Variants in CPSF7 observed in about 807,000 individuals in gnomAD.
CPSF7 encodes cleavage and polyadenylation specificity factor subunit 7.
Under a neutral mutation model 44.3 loss-of-function variants are expected in CPSF7, and 1 was observed. That is an observed-to-expected ratio of 0.02 (90% CI 0.01 to 0.11). The LOEUF is 0.11. Among genes scored for constraint, CPSF7 ranks in the 10% least tolerant of loss-of-function variants. The probability of loss-of-function intolerance (pLI) is 1.00; values close to 1 mark genes in which losing one functional copy is unlikely to be tolerated. For synonymous variants in CPSF7, 202 were observed against 222.0 expected (o/e 0.91, Z 0.80); for missense variants, 443 against 607.2 (o/e 0.73, Z 2.84).
chr11:61,421,550 G>T lies in CPSF7; in HGVS notation c.113C>A (p.Thr38Asn), dbSNP rs1346848628. ...GCTTCTGTCATCTGAGGGCTGTGAG[G>T]TGGCTGTCAGCACATCATCATACAG... Reference protein sequence around the residue: ...IDLYDDVLTATSQPSDDRSSS... With the variant: ...IDLYDDVLTANSQPSDDRSSS... The change falls in exon 3 of 10, where the codon ACC (threonine) becomes AAC (asparagine). Residue 38 changes from threonine to asparagine, a missense_variant. Thr to Asn is a moderately conservative substitution (Grantham distance 65, BLOSUM62 0). Coordinates refer to ENST00000439958, the MANE Select transcript of CPSF7 (RefSeq NM_001142565.3). 2 of 1,613,976 alleles carry T rather than the reference G, an allele frequency of 1.2e-6. No individual in the cohort carries two copies. The highest frequency in any genetic ancestry group is 1.7e-6 in the Non-Finnish European group (2 of 1,180,038).
At chr11:61,424,728 C>T (rs1590733505) in intron 2 of CPSF7, among the ~76,000 whole-genome samples, 1 of 152,352 alleles carries the variant, frequency 6.6e-6, no homozygotes, top group East Asian at 1.9e-4. Flanking sequence ...GCTGGGATTA[C>T]AGGCGTAAGC....
At chr11:61,419,866 A>G (rs1341257123) in intron 5 of CPSF7, 83 bp downstream of exon 5, 1 of 1,547,776 alleles carries the variant, frequency 6.5e-7, no homozygotes, top group Non-Finnish European at 8.8e-7. Flanking sequence ...CTAAGCCTAC[A>G]CCATAGAAAA....
intron 2 of CPSF7, among the ~76,000 whole-genome samples, chr11:61,422,603 A>ATT (rs1860985895): frequency 6.6e-6 from 1 of 152,184 alleles, no homozygotes; most frequent in African/African-American, 2.4e-5. Context: ...AGGGGTGACT[A>ATT]CCATGCCCAG....
chr11:61,414,441 C>T (rs954287046), intron 7 of CPSF7, among the ~76,000 whole-genome samples: 2 of 152,060 alleles, frequency 1.3e-5, no homozygotes, highest in African/African-American at 4.8e-5. Flanking sequence ...AGCCACTGCA[C>T]CTGGCCTAAA....
intron 2 of CPSF7, among the ~76,000 whole-genome samples, chr11:61,428,745 T>C (rs1861640953): frequency 6.6e-6 from 1 of 152,234 alleles, no homozygotes; most frequent in Admixed American, 6.5e-5. Context: ...TAAAGTCATC[T>C]TTTCTACTTT....
At chr11:61,425,001 C>A (rs1475091220) in intron 2 of CPSF7, among the ~76,000 whole-genome samples, 2 of 152,222 alleles carry the variant, frequency 1.3e-5, no homozygotes, top group Admixed American at 1.3e-4. Context: ...TATGCTTAGG[C>A]AACCAATCCA....
intron 6 of CPSF7, 29 bp from the exon 7 acceptor site, chr11:61,415,813 G>T: frequency 7.0e-7 from 1 of 1,427,860 alleles, no homozygotes; most frequent in Non-Finnish European, 9.9e-7. Flanking sequence ...ATCCTTGATT[G>T]CTCACATCCC....
At chr11:61,410,703 C>T in intron 9 of CPSF7, 3 of 370,346 alleles carry the variant, frequency 8.1e-6, no homozygotes, top group Non-Finnish European at 1.4e-5. Flanking sequence ...AGACACCATA[C>T]TCTCACTCAG....
chr11:61,407,965 C>G (rs1345509673), intron 9 of CPSF7, among the ~76,000 whole-genome samples: 2 of 152,088 alleles, frequency 1.3e-5, no homozygotes, highest in Non-Finnish European at 2.9e-5. Flanking sequence ...ATCGCCATCC[C>G]AAAGACACCA....
At chr11:61,420,957 C>A in intron 3 of CPSF7, 2 of 715,584 alleles carry the variant, frequency 2.8e-6, no homozygotes, top group Non-Finnish European at 4.4e-6. Context: ...ACCCCCACCA[C>A]CAGCCCCAAA....
intron 1 of CPSF7, chr11:61,429,630 C>G: frequency 9.2e-7 from 1 of 1,082,020 alleles, no homozygotes; most frequent in East Asian, 2.7e-5. Flanking sequence ...ATCCGCTGCA[C>G]CTGCCTAGCC....
In CPSF7 at chr11:61,416,247, G is replaced by A. The variant is rs2135324748; in HGVS notation, c.796C>T (p.Pro266Ser). Reference sequence around the variant, plus strand: ...CCAGGGGGAGGTACAGCAAGATGAGGAGGTAATCGAGGAGGTGGGGGCATG... The same window carrying A: ...CCAGGGGGAGGTACAGCAAGATGAGAAGGTAATCGAGGAGGTGGGGGCATG... Reference protein sequence around the residue: ...HLMPPPPRLPPHLAVPPPGAI... With the variant: ...HLMPPPPRLPSHLAVPPPGAI... The change falls in exon 6 of 10, where the codon CCT becomes TCT. Residue 266 changes from proline (P) to serine (S), a missense_variant. Transcript: ENST00000439958. 6.5e-7 allele frequency: 1 copy of A among 1,535,218 alleles called. No homozygotes were observed. The highest frequency in any genetic ancestry group is 8.8e-7 in the Non-Finnish European group (1 of 1,142,694).
At chr11:61,429,017 G>A (rs1466066316) in intron 2 of CPSF7, 165 bp downstream of exon 2, 2 of 490,184 alleles carry the variant, frequency 4.1e-6, no homozygotes, top group Admixed American at 3.0e-5. Context: ...TTAACATAAA[G>A]AGGAATGGAG....
chr11:61,428,616 G>T (rs1359714317), intron 2 of CPSF7, among the ~76,000 whole-genome samples: 1 of 152,170 alleles, frequency 6.6e-6, no homozygotes, highest in Non-Finnish European at 1.5e-5. Flanking sequence ...CCTCTAGAAA[G>T]ACTAAAGGTA....
chr11:61,416,429 C>A lies in CPSF7; in HGVS notation c.614G>T (p.Arg205Leu), dbSNP rs758991309. The change falls in exon 6 of 10, where the codon CGT becomes CTT. Residue 205 changes from arginine (R) to leucine (L), a missense_variant. Physicochemically the swap from Arg to Leu is moderately radical, Grantham distance 102. Coordinates refer to ENST00000439958, the MANE Select transcript of CPSF7 (RefSeq NM_001142565.3). The part of the protein sequence containing the change: ...PSENLVPSSA[R>L]VDKPPSVLPY... ...CAGCACACTGGGGGGCTTATCCACA[C>A]GAGCAGATGAGGGTACAAGGTTCTC... is the stretch of plus-strand genomic sequence containing the variant. 1.9e-6 allele frequency: 3 copies of A among 1,613,992 alleles called. No individual in the cohort carries two copies. The highest frequency in any genetic ancestry group is 2.2e-5 in the East Asian group (1 of 44,872).
At chr11:61,409,172 A>C (rs944021124) in intron 9 of CPSF7, among the ~76,000 whole-genome samples, 2 of 150,918 alleles carry the variant, frequency 1.3e-5, no homozygotes, top group African/African-American at 4.9e-5. Flanking sequence ...CAAAAACAAA[A>C]CAAAACAAAA....
chr11:61,422,101 G>T (rs1047541483), intron 2 of CPSF7, among the ~76,000 whole-genome samples: 1 of 152,174 alleles, frequency 6.6e-6, no homozygotes, highest in African/African-American at 2.4e-5. Flanking sequence ...GTACAAAAAT[G>T]CAGAAAAGAT....
Position 61,403,089 on chromosome 11 carries a change from CAG to C in CPSF7, c.*1619_*1620del, listed in dbSNP as rs1554973801. ...TGGAGGTGGGGATGGGGTTGGGGGA[CAG>C]GGGAAAAAAAGCTCCAACCTGTAGC... On this transcript the variant is annotated 3_prime_UTR_variant, in exon 10 of 10. Transcript: ENST00000439958. The C allele has an allele frequency of 4.6e-5, 7 of 150,544 alleles. No individual in the cohort carries two copies. The highest frequency in any genetic ancestry group is 1.2e-4 in the African/African-American group (5 of 40,754). The allele number at this position is 150,544 out of a possible 1,614,324, so 9.3% of individuals were successfully genotyped here. A position where few individuals can be genotyped will look rare whatever the true frequency, so the allele number is the denominator to read the frequency against.
In CPSF7 at chr11:61,404,581, G is replaced by A. The variant is rs1291868044; in HGVS notation, c.*129C>T. The A allele has an allele frequency of 6.6e-6, 1 of 152,214 alleles. No individual in the cohort carries two copies. Among genetic ancestry groups the A allele is most frequent in the Non-Finnish European group, 1.5e-5 (1 of 68,090 alleles). 9.4% of individuals were successfully genotyped at this position (152,214 alleles called of 1,614,324 possible). ...CTGTGGGGCAGAGGGTATTCCCTGG[G>A]TGTCTGGAGGGAGTTAGGGGTTTGG... is the stretch of plus-strand genomic sequence containing the variant. On this transcript the variant is annotated 3_prime_UTR_variant, in exon 10 of 10. Transcript: ENST00000439958.
Sources: gnomAD v4.1 joint callset for allele counts (sites outside exome capture counted in the v4.1 genomes callset) on GRCh38, gnomAD v4.1.1 for gene constraint, MANE v1.5 for transcripts, NCBI Gene and HGNC (gene_info 2026-07-23, HGNC 2026-07-21) for gene names.